The following USP6NL variants were observed in gnomAD, a reference collection of about 807,000 sequenced individuals.
USP6NL encodes the protein USP6 N-terminal like.
Under a neutral mutation model 61.9 loss-of-function variants are expected in USP6NL, and 26 were observed. That is an observed-to-expected ratio of 0.42 (90% confidence interval 0.31 to 0.58). The LOEUF is 0.58. Among genes scored for constraint, USP6NL ranks in the 20% least tolerant of loss-of-function variants. The probability of loss-of-function intolerance (pLI) is 0.16; values close to 1 mark genes in which losing one functional copy is unlikely to be tolerated. For missense variants in USP6NL, 1,114 were observed against 1,034.3 expected, an observed-to-expected ratio of 1.08 and a Z score of -1.06; for synonymous variants, 432 against 390.1, an observed-to-expected ratio of 1.11 and a Z score of -1.27.
At chr10:11,605,689 T>G (rs1413140413) in intron 1 of USP6NL, among the ~76,000 whole-genome samples, 1 of 151,798 alleles carries the variant, frequency 6.6e-6, no homozygotes, top group African/African-American at 2.4e-5. Context: ...AAACTGAAAG[T>G]CTAAATAAAA....
At chr10:11,586,835 A>G (rs1837984273) in intron 2 of USP6NL, among the ~76,000 whole-genome samples, 1 of 152,172 alleles carries the variant, frequency 6.6e-6, no homozygotes, top group Non-Finnish European at 1.5e-5. Context: ...TATTCTCCCA[A>G]TACCAAGCTT....
chr10:11,481,870 G>C lies in USP6NL; in HGVS notation c.978C>G (p.Thr326=). ...CTTCAAAGAAAAAATCCTTTGCCAG[G>C]GTCTCCTGAAAAAATTCTACAAGTT... ...MEELVEFFQE[T]LAKDFFFEDD... Residue 326 remains threonine (T), a synonymous_variant, in exon 14 of 15, where the codon ACC becomes ACG. Coordinates refer to ENST00000609104, the MANE Select transcript of USP6NL (RefSeq NM_014688.5). This position sits in a 1 kb window ranked among gnomAD's most constrained non-coding sequence, Gnocchi z 4.4. 6.2e-7 allele frequency: 1 copy of C among 1,611,996 alleles called. No homozygotes were observed. Among genetic ancestry groups the C allele is most frequent in the South Asian group, 1.1e-5 (1 of 90,638 alleles).
chr10:11,484,520 G>A (rs937347160), intron 13 of USP6NL, among the ~76,000 whole-genome samples: 2 of 152,004 alleles, frequency 1.3e-5, no homozygotes, highest in Non-Finnish European at 2.9e-5. Flanking sequence ...CAGTTCAGCT[G>A]GGTGCTATTC....
rs982226345 is a variant in USP6NL, at chr10:11,499,963, A to C, written c.384+1138T>G. ...TACCATATGCTAGGCACACTGTACT[A>C]GGTGCTGGGGTTATATTTCATATTA... On this transcript the variant is annotated intron_variant, in intron 7 of 14. Coordinates refer to ENST00000609104, the MANE Select transcript of USP6NL (RefSeq NM_014688.5). This position sits in a 1 kb window ranked among gnomAD's most constrained non-coding sequence, Gnocchi z 4.5. Among the ~76,000 whole-genome samples the C allele has an allele frequency of 1.3e-5, 2 of 152,234 alleles. No homozygotes were observed. Among genetic ancestry groups the C allele is most frequent in the Non-Finnish European group, 2.9e-5 (2 of 68,050 alleles).
Position 11,481,405 on chromosome 10 carries a change from G to C in USP6NL, c.1078+365C>G, listed in dbSNP as rs918100966. Among the ~76,000 whole-genome samples the C allele has an allele frequency of 2.0e-5, 3 of 151,974 alleles. No homozygotes were observed. Among genetic ancestry groups the C allele is most frequent in the African/African-American group, 7.3e-5 (3 of 41,336 alleles). ...GGCTTTTACTGTACTTACTATTGCTGTACTTACTATTGTATACGGTTTCAC... is the reference window on the plus strand; with the variant it reads ...GGCTTTTACTGTACTTACTATTGCTCTACTTACTATTGTATACGGTTTCAC... On this transcript the variant is annotated intron_variant, in intron 14 of 14. Transcript: ENST00000609104. The surrounding 1 kb of genome is among the most constrained non-coding windows in gnomAD (Gnocchi z 4.4).
At chr10:11,551,398 T>TA (rs1836484286) in intron 2 of USP6NL, among the ~76,000 whole-genome samples, 1 of 152,254 alleles carries the variant, frequency 6.6e-6, no homozygotes, top group Admixed American at 6.5e-5. Flanking sequence ...TATGTTTGTT[T>TA]ACTTGTTTAT....
rs993806863 is a variant in USP6NL, at chr10:11,490,116, A to G, written c.543+716T>C. Among the ~76,000 whole-genome samples the G allele has an allele frequency of 1.3e-5, 2 of 152,114 alleles. No individual in the cohort carries two copies. The highest frequency in any genetic ancestry group is 4.8e-5 in the African/African-American group (2 of 41,414). On this transcript the variant is annotated intron_variant, in intron 9 of 14. Coordinates refer to ENST00000609104, the MANE Select transcript of USP6NL (RefSeq NM_014688.5). The surrounding 1 kb of genome is among the most constrained non-coding windows in gnomAD (Gnocchi z 4.5). ...CCAACTAGTGCTTCCTTCCTATGAG[A>G]TGTCCCTTTAAAAACCCCTTTTTAA...
In USP6NL at chr10:11,561,060, A is replaced by G. The variant is rs1326262356; in HGVS notation, c.5-33493T>C. On this transcript the variant is annotated intron_variant, in intron 2 of 14. Transcript: ENST00000609104. The surrounding 1 kb of genome is among the most constrained non-coding windows in gnomAD (Gnocchi z 4.1). ...TTCGAGCATACTCAAGCAGCCCTGAATATCTCATTAGGCCCTGAGTTGCAA... is the reference window on the plus strand; with the variant it reads ...TTCGAGCATACTCAAGCAGCCCTGAGTATCTCATTAGGCCCTGAGTTGCAA... Among the ~76,000 whole-genome samples, 1 of 152,180 alleles carries G rather than the reference A, an allele frequency of 6.6e-6. No homozygotes were observed. The highest frequency in any genetic ancestry group is 1.5e-5 in the Non-Finnish European group (1 of 68,018).
intron 6 of USP6NL, among the ~76,000 whole-genome samples, chr10:11,504,960 A>G (rs903813154): frequency 1.4e-4 from 21 of 152,212 alleles, no homozygotes; most frequent in African/African-American, 4.8e-4. Context: ...GGGAGTGGCT[A>G]GCCCTTCTAC....
Position 11,589,799 on chromosome 10 carries a change from T to A in USP6NL, c.4+7832A>T, listed in dbSNP as rs1366657983. Among the ~76,000 whole-genome samples, 1 of 152,256 alleles carries A rather than the reference T, an allele frequency of 6.6e-6. No individual in the cohort carries two copies. The highest frequency in any genetic ancestry group is 1.5e-5 in the Non-Finnish European group (1 of 68,040). ...ATGAATATCTATTAGTGTCTGACTA[T>A]AATCTTTTTATATTTTATTGTTTAA... On this transcript the variant is annotated intron_variant, in intron 2 of 14. Coordinates refer to ENST00000609104, the MANE Select transcript of USP6NL (RefSeq NM_014688.5). The surrounding 1 kb of genome is among the most constrained non-coding windows in gnomAD (Gnocchi z 4.7).
chr10:11,534,733 C>T (rs1309878992), intron 2 of USP6NL, among the ~76,000 whole-genome samples: 4 of 151,762 alleles, frequency 2.6e-5, no homozygotes, highest in African/African-American at 4.8e-5. Flanking sequence ...ACATCTTCAA[C>T]GTTAGGGATT....
At position 11,574,604 on chromosome 10, in the gene USP6NL, T is replaced by G. The variant is rs916306191; in HGVS notation, c.4+23027A>C. Among the ~76,000 whole-genome samples the G allele has an allele frequency of 6.6e-6, 1 of 152,234 alleles. No individual in the cohort carries two copies. Among genetic ancestry groups the G allele is most frequent in the African/African-American group, 2.4e-5 (1 of 41,462 alleles). On this transcript the variant is annotated intron_variant, in intron 2 of 14. Coordinates refer to ENST00000609104, the MANE Select transcript of USP6NL (RefSeq NM_014688.5). This position sits in a 1 kb window ranked among gnomAD's most constrained non-coding sequence, Gnocchi z 4.3. ...GAGAAAAATGACACTCAGGTGAACATGGCTAAATGCTATGTTTATTAAACT... is the reference window on the plus strand; with the variant it reads ...GAGAAAAATGACACTCAGGTGAACAGGGCTAAATGCTATGTTTATTAAACT...
In USP6NL at chr10:11,495,864, A is replaced by G. The variant is rs1022013046; in HGVS notation, c.385-2636T>C. Among the ~76,000 whole-genome samples, 2 of 152,264 alleles carry G rather than the reference A, an allele frequency of 1.3e-5. No individual in the cohort carries two copies. Among genetic ancestry groups the G allele is most frequent in the Non-Finnish European group, 2.9e-5 (2 of 68,050 alleles). On this transcript the variant is annotated intron_variant, in intron 7 of 14. Coordinates refer to ENST00000609104, the MANE Select transcript of USP6NL (RefSeq NM_014688.5). The surrounding 1 kb of genome is among the most constrained non-coding windows in gnomAD (Gnocchi z 4.6). ...TGCTTTTGTTTAAAAGTGGGACACA[A>G]AAAAGCTGCATGCCTGGGTGAGGCT...
intron 2 of USP6NL, among the ~76,000 whole-genome samples, chr10:11,556,593 T>C (rs547970692): frequency 7.9e-5 from 12 of 152,154 alleles, no homozygotes; most frequent in East Asian, 1.9e-4. Flanking sequence ...ATATATACCA[T>C]GTAAGCATGA....
At chr10:11,554,360 T>C (rs1430525745) in intron 2 of USP6NL, among the ~76,000 whole-genome samples, 1 of 152,162 alleles carries the variant, frequency 6.6e-6, no homozygotes, top group Non-Finnish European at 1.5e-5. Context: ...CCTCAAAGCA[T>C]CTGCCCATTC....
At position 11,575,331 on chromosome 10, in the gene USP6NL, T is replaced by C. The variant is rs555518562; in HGVS notation, c.4+22300A>G. Among the ~76,000 whole-genome samples, 3 of 152,246 alleles carry C rather than the reference T, an allele frequency of 2.0e-5. No homozygotes were observed. Among genetic ancestry groups the C allele is most frequent in the African/African-American group, 4.8e-5 (2 of 41,464 alleles). ...TTTGGGACACGTAATAAGTGTTAAG[T>C]ATCTACTGCCTTTGTTTTCCAATCA... On this transcript the variant is annotated intron_variant, in intron 2 of 14. Coordinates refer to ENST00000609104, the MANE Select transcript of USP6NL (RefSeq NM_014688.5). The surrounding 1 kb of genome is among the most constrained non-coding windows in gnomAD (Gnocchi z 4.2).
intron 2 of USP6NL, chr10:11,565,049 C>G (rs568696241): frequency 4.6e-5 from 7 of 152,280 alleles, no homozygotes; most frequent in African/African-American, 1.7e-4. Flanking sequence ...AGTCATCATT[C>G]TACAGGAGTT....
At chr10:11,512,399 G>C (rs1252194758) in intron 5 of USP6NL, among the ~76,000 whole-genome samples, 1 of 152,070 alleles carries the variant, frequency 6.6e-6, no homozygotes, top group Non-Finnish European at 1.5e-5. Flanking sequence ...CCCCAGTTCA[G>C]GTAATCAGAG....
rs1350214970 is a variant in USP6NL at position 11,461,212 on chromosome 10, A to G, written c.*1229T>C. 1 of 152,530 alleles carries G rather than the reference A, an allele frequency of 6.6e-6. No homozygotes were observed. The highest frequency in any genetic ancestry group is 1.9e-4 in the East Asian group (1 of 5,190). The allele number at this position is 152,530 out of a possible 1,614,324, so 9.4% of individuals were successfully genotyped here. A position where few individuals can be genotyped will look rare whatever the true frequency, so the allele number is the denominator to read the frequency against. ...GTTTTGGTATCTGTAGTGTAACAGAATATTTTTTAAAGACATCACTAATTT... is the reference window on the plus strand; with the variant it reads ...GTTTTGGTATCTGTAGTGTAACAGAGTATTTTTTAAAGACATCACTAATTT... On this transcript the variant is annotated 3_prime_UTR_variant, in exon 15 of 15. Transcript: ENST00000609104.
Sources: allele counts gnomAD v4.1 joint callset (sites outside exome capture counted in the v4.1 genomes callset), GRCh38; gene constraint gnomAD v4.1.1; non-coding constraint Gnocchi (gnomAD v3.1); transcripts MANE v1.5; gene names NCBI Gene and HGNC (gene_info 2026-07-23, HGNC 2026-07-21).